The following MORC1 variants were observed in gnomAD, a reference collection of about 807,000 sequenced individuals.
The protein encoded by MORC1 is MORC family CW-type zinc finger protein 1.
A neutral mutation model predicts 134.9 loss-of-function variants in MORC1; 59 were observed. The ratio of observed to expected loss-of-function variants is 0.44; its 90% confidence interval spans 0.35 to 0.54. The LOEUF (loss-of-function observed/expected upper bound fraction) is 0.54. Among genes scored for constraint, MORC1 ranks in the 20% least tolerant of loss-of-function variants. The pLI, the probability that MORC1 is intolerant of heterozygous loss-of-function variation, is 0.00. For synonymous variants in MORC1, 395 were observed against 391.7 expected (o/e 1.01, Z -0.10); for missense variants, 947 against 1,134.5 (o/e 0.83, Z 2.37).
intron 24 of MORC1, among the ~76,000 whole-genome samples, chr3:108,973,885 C>T (rs1223138444): frequency 6.6e-6 from 1 of 152,044 alleles, no homozygotes; most frequent in African/African-American, 2.4e-5. Context: ...CGTGAGCCAC[C>T]GCACCCGGCC....
chr3:109,069,941 C>T (rs1224589425), intron 8 of MORC1, among the ~76,000 whole-genome samples, 184 bp from the exon 9 acceptor site: 1 of 152,172 alleles, frequency 6.6e-6, no homozygotes, highest in African/African-American at 2.4e-5. Flanking sequence ...ATTAAGGAGG[C>T]CTCTAAACAC....
chr3:109,000,451 G>C, intron 21 of MORC1, 106 bp downstream of exon 21: 1 of 827,070 alleles, frequency 1.2e-6, no homozygotes, highest in Non-Finnish European at 1.8e-6. Flanking sequence ...CTCAAAACTA[G>C]GTTTTCCAAC....
intron 3 of MORC1, among the ~76,000 whole-genome samples, chr3:109,108,080 T>C (rs2107795688): frequency 6.6e-6 from 1 of 151,852 alleles, no homozygotes; most frequent in South Asian, 2.1e-4. Flanking sequence ...TCCCAGCTAC[T>C]GGAAAGGCAG....
Position 108,959,125 on chromosome 3 carries a change from A to G in MORC1, c.2800-5T>C, listed in dbSNP as rs779388814. ...CAGGTCACCTTCTGGACCACCCTGGAAAAGAGAAGCAACAGTCACACCAGG... is the reference window on the plus strand; with the variant it reads ...CAGGTCACCTTCTGGACCACCCTGGGAAAGAGAAGCAACAGTCACACCAGG... On this transcript the variant is annotated splice_region_variant and splice_polypyrimidine_tract_variant and intron_variant, in intron 27 of 27. Coordinates refer to ENST00000232603, the MANE Select transcript of MORC1 (RefSeq NM_014429.4). 2.9e-5 allele frequency: 45 copies of G among 1,572,580 alleles called. No individual in the cohort carries two copies. The highest frequency in any genetic ancestry group is 2.5e-5 in the Non-Finnish European group (29 of 1,163,986).
At chr3:109,093,350 G>T in intron 8 of MORC1, 86 bp downstream of exon 8, 3 of 956,688 alleles carry the variant, frequency 3.1e-6, no homozygotes, top group South Asian at 1.5e-5. Context: ...AAAACCCAGT[G>T]ACCTCAGACC....
intron 17 of MORC1, among the ~76,000 whole-genome samples, chr3:109,007,805 T>C (rs1045604123): frequency 2.0e-5 from 3 of 152,220 alleles, no homozygotes; most frequent in African/African-American, 7.2e-5. Flanking sequence ...TTTAGAAGTA[T>C]ATTAAAATGA....
chr3:109,047,123 C>G (rs1949713105), intron 14 of MORC1, among the ~76,000 whole-genome samples: 1 of 152,152 alleles, frequency 6.6e-6, no homozygotes, highest in Admixed American at 6.5e-5. Flanking sequence ...GGGAAGTGAA[C>G]TGTTTACCAA....
At chr3:109,011,671 G>A (rs1296205951) in intron 17 of MORC1, among the ~76,000 whole-genome samples, 3 of 152,028 alleles carry the variant, frequency 2.0e-5, no homozygotes, top group South Asian at 4.1e-4. Context: ...ACAGGCATGC[G>A]CCACCACGCC....
chr3:109,040,643 A>G (rs1197176726), intron 14 of MORC1, among the ~76,000 whole-genome samples: 1 of 151,740 alleles, frequency 6.6e-6, no homozygotes, highest in Admixed American at 6.6e-5. Flanking sequence ...CAGCCTGATC[A>G]ACATGGTGAA....
At chr3:109,045,216 T>C (rs1949665909) in intron 14 of MORC1, among the ~76,000 whole-genome samples, 1 of 152,186 alleles carries the variant, frequency 6.6e-6, no homozygotes, top group South Asian at 2.1e-4. Context: ...TCTAAATAGA[T>C]GATTATATTC....
chr3:108,980,597 C>G (rs1947690417), intron 23 of MORC1, among the ~76,000 whole-genome samples: 1 of 152,186 alleles, frequency 6.6e-6, no homozygotes. Flanking sequence ...AATAAAAAGT[C>G]ACTTTCTTTA....
chr3:109,042,155 G>T (rs1949569520), intron 14 of MORC1, among the ~76,000 whole-genome samples: 1 of 152,116 alleles, frequency 6.6e-6, no homozygotes, highest in African/African-American at 2.4e-5. Flanking sequence ...CAGTCGGTGG[G>T]AAGTAAAATG....
intron 16 of MORC1, among the ~76,000 whole-genome samples, chr3:109,029,450 A>T (rs138358622): frequency 6.6e-6 from 1 of 152,344 alleles, no homozygotes; most frequent in East Asian, 1.9e-4. Context: ...GATGTTTGGA[A>T]ATGAATTACA....
At chr3:108,963,092 G>A (rs901694966) in intron 27 of MORC1, among the ~76,000 whole-genome samples, 11 of 151,616 alleles carry the variant, frequency 7.3e-5, no homozygotes, top group Non-Finnish European at 1.5e-4. Flanking sequence ...GAAGGCTGAG[G>A]CAGGAGGAAT....
chr3:109,031,703 T>C (rs1232240316), intron 16 of MORC1, among the ~76,000 whole-genome samples: 1 of 152,170 alleles, frequency 6.6e-6, no homozygotes, highest in Non-Finnish European at 1.5e-5. Flanking sequence ...ATAATCACGG[T>C]CCCTGGAGCT....
In MORC1 at chr3:109,004,053, G is replaced by C. The variant is rs536224293; in HGVS notation, c.2085+764C>G. Among the ~76,000 whole-genome samples the C allele has an allele frequency of 5.3e-5, 8 of 152,216 alleles. No homozygotes were observed. The East Asian group carries it at 1.5e-3, about 29-fold the overall frequency. ...ACTGCACTCCAGCCTGGGCGACAGA[G>C]CGAGACTTCGTCTCAAAAAAAATAA... On this transcript the variant is annotated intron_variant, in intron 20 of 27. Transcript: ENST00000232603.
intron 17 of MORC1, among the ~76,000 whole-genome samples, chr3:109,023,288 C>G (rs1010479026): frequency 2.0e-5 from 3 of 152,110 alleles, no homozygotes; most frequent in Admixed American, 2.0e-4. Flanking sequence ...GTGAAAGAAA[C>G]GAATGCTATT....
chr3:109,003,430 C>CAT (rs1553746836), intron 20 of MORC1, among the ~76,000 whole-genome samples: 7 of 146,974 alleles, frequency 4.8e-5, no homozygotes, highest in Non-Finnish European at 4.5e-5. Flanking sequence ...CACACACACA[C>CAT]GCATGCATAC....
At chr3:109,014,328 AC>A (rs1948767117) in intron 17 of MORC1, among the ~76,000 whole-genome samples, 2 of 152,182 alleles carry the variant, frequency 1.3e-5, no homozygotes, top group South Asian at 4.1e-4. Context: ...AGTACCTCAT[AC>A]AAGATTTTGA....
Sources: gnomAD v4.1 joint callset for allele counts (sites outside exome capture counted in the v4.1 genomes callset) on GRCh38, gnomAD v4.1.1 for gene constraint, MANE v1.5 for transcripts, NCBI Gene and HGNC (gene_info 2026-07-23, HGNC 2026-07-21) for gene names.